Variants in LMNA observed in about 807,000 individuals in gnomAD.
LMNA encodes lamin A/C.
In LMNA, 20 loss-of-function variants were observed where a neutral mutation model predicts 70.4. That is an observed-to-expected ratio of 0.28 (90% CI 0.20 to 0.41). LMNA has a LOEUF of 0.41. Ranked by LOEUF, LMNA falls within the 10% of genes least tolerant of loss-of-function variation. The pLI is 1.00. For synonymous variants in LMNA, 339 were observed against 372.8 expected (o/e 0.91, Z 1.04); for missense variants, 652 against 917.2 (o/e 0.71, Z 3.73).
chr1:156,118,143 A>T (rs1234490600), intron 1 of LMNA, among the ~76,000 whole-genome samples: 4 of 151,964 alleles, frequency 2.6e-5, no homozygotes, highest in East Asian at 1.9e-4. Flanking sequence ...TCTTTTTTCT[A>T]CTAGTGATAT....
In LMNA at chr1:156,139,306, AAAAAAAAAAAAGC is replaced by A; in HGVS notation, c.*202_*214del. 1 of 1,235,538 alleles carries A rather than the reference AAAAAAAAAAAAGC, an allele frequency of 8.1e-7. No individual in the cohort carries two copies. Among genetic ancestry groups the A allele is most frequent in the Non-Finnish European group, 1.1e-6 (1 of 951,498 alleles). 76.5% of individuals were successfully genotyped at this position (1,235,538 alleles called of 1,614,324 possible). A position where few individuals can be genotyped will look rare whatever the true frequency, so the allele number is the denominator to read the frequency against. On this transcript the variant is annotated 3_prime_UTR_variant, in exon 12 of 12. Transcript: ENST00000368300. Reference sequence around the variant, plus strand: ...TATACTGAAGGAAAAACACAAGCAAAAAAAAAAAAAAGCATCTATCTCATCTATCTCAATCCTA... The same window carrying A: ...TATACTGAAGGAAAAACACAAGCAAAATCTATCTCATCTATCTCAATCCTA...
At position 156,137,438 on chromosome 1, in the gene LMNA, G is replaced by A. The variant is rs1651756039; in HGVS notation, c.1608+206G>A. The A allele has an allele frequency of 5.0e-6, 4 of 792,326 alleles. No homozygotes were observed. Among genetic ancestry groups the A allele is most frequent in the African/African-American group, 3.4e-5 (2 of 58,708 alleles). The allele number at this position is 792,326 out of a possible 1,614,324, so 49.1% of individuals were successfully genotyped here. A position where few individuals can be genotyped will look rare whatever the true frequency, so the allele number is the denominator to read the frequency against. On this transcript the variant is annotated intron_variant, in intron 9 of 11. Coordinates refer to ENST00000368300, the MANE Select transcript of LMNA (RefSeq NM_170707.4). The surrounding 1 kb of genome is among the most constrained non-coding windows in gnomAD (Gnocchi z 4.6). ...GGGTGGAAGTTAGACAGTGAGGATT[G>A]TTAAAGGCAGAGCCATACTCCTACC...
intron 1 of LMNA, chr1:156,082,904 T>G (rs537141673): frequency 6.6e-6 from 1 of 151,848 alleles, no homozygotes; most frequent in South Asian, 2.1e-4. Flanking sequence ...CTCTCCCCGC[T>G]CCCTGCCGCG....
At chr1:156,133,816 T>G (rs1372546394) in intron 2 of LMNA, among the ~76,000 whole-genome samples, 1 of 152,148 alleles carries the variant, frequency 6.6e-6, no homozygotes, top group African/African-American at 2.4e-5. Flanking sequence ...TTTCTGCCCT[T>G]GAAATCATGA....
chr1:156,135,698 C>T lies in LMNA; in HGVS notation c.937-203C>T, dbSNP rs1183807928. On this transcript the variant is annotated intron_variant, in intron 5 of 11. Coordinates refer to ENST00000368300, the MANE Select transcript of LMNA (RefSeq NM_170707.4). This position sits in a 1 kb window ranked among gnomAD's most constrained non-coding sequence, Gnocchi z 4.8. ...CTCAGAACGAGAGGTTTCAGTTAGA[C>T]AAGGGGAAGGACTTCCCAGTTGCCA... The T allele has an allele frequency of 1.5e-5, 9 of 609,254 alleles. No individual in the cohort carries two copies. The East Asian group carries it at 2.2e-4, about 15-fold the overall frequency. The allele number at this position is 609,254 out of a possible 1,614,324, so 37.7% of individuals were successfully genotyped here. A position where few individuals can be genotyped will look rare whatever the true frequency, so the allele number is the denominator to read the frequency against.
Position 156,134,341 on chromosome 1 carries a change from G to C in LMNA, c.514-62G>C. On this transcript the variant is annotated intron_variant, in intron 2 of 11. Transcript: ENST00000368300. This position sits in a 1 kb window ranked among gnomAD's most constrained non-coding sequence, Gnocchi z 5.3. ...TGCACAGGCAGCAGCCCACCTCTCAGCTTCCTTCCAGTTCTTGTGTTCTGT... is the reference window on the plus strand; with the variant it reads ...TGCACAGGCAGCAGCCCACCTCTCACCTTCCTTCCAGTTCTTGTGTTCTGT... 1 of 1,595,562 alleles carries C rather than the reference G, an allele frequency of 6.3e-7. No homozygotes were observed. The highest frequency in any genetic ancestry group is 8.6e-7 in the Non-Finnish European group (1 of 1,168,754).
intron 3 of LMNA, among the ~76,000 whole-genome samples, chr1:156,101,638 G>A: frequency 8.1e-6 from 1 of 123,914 alleles, no homozygotes; most frequent in South Asian, 3.3e-4. Context: ...AAGGAAGGAA[G>A]GGAGGGAGGG....
intron 1 of LMNA, among the ~76,000 whole-genome samples, chr1:156,128,091 C>T (rs1650749385): frequency 1.3e-5 from 2 of 152,122 alleles, no homozygotes; most frequent in Admixed American, 1.3e-4. Flanking sequence ...CTAGATATAG[C>T]TTTCTGTGCC....
Position 156,135,960 on chromosome 1 carries a change from C to T in LMNA, c.996C>T (p.Asp332=), listed in dbSNP as rs1471655848. 2 of 1,613,972 alleles carry T rather than the reference C, an allele frequency of 1.2e-6. No homozygotes were observed. Among genetic ancestry groups the T allele is most frequent in the East Asian group, 4.5e-5 (2 of 44,882 alleles). The part of the protein sequence containing the change: ...DLEDSLARER[D]TSRRLLAEKE... ...AGGACTCACTGGCCCGTGAGCGGGA[C>T]ACCAGCCGGCGGCTGCTGGCGGAAA... The change falls in exon 6 of 12, where the codon GAC becomes GAT. Residue 332 remains aspartate, a synonymous_variant. Coordinates refer to ENST00000368300, the MANE Select transcript of LMNA (RefSeq NM_170707.4). This position sits in a 1 kb window ranked among gnomAD's most constrained non-coding sequence, Gnocchi z 4.8.
At chr1:156,096,727 G>A (rs540141020) in intron 3 of LMNA, among the ~76,000 whole-genome samples, 103 of 152,378 alleles carry the variant, frequency 6.8e-4, no homozygotes, top group African/African-American at 2.3e-3. Flanking sequence ...CTGCCACTCA[G>A]GACTAGCCTG....
At position 156,134,695 on chromosome 1, in the gene LMNA, T is replaced by C; in HGVS notation, c.640-110T>C. ...CTCAGCTCCCAGGTTAAAGTGGGGC[T>C]GGTAGTGGCTCATGGAGTAGGGCTG... On this transcript the variant is annotated intron_variant, in intron 3 of 11. Transcript: ENST00000368300. The surrounding 1 kb of genome is among the most constrained non-coding windows in gnomAD (Gnocchi z 5.3). The C allele has an allele frequency of 6.4e-7, 1 of 1,551,744 alleles. No homozygotes were observed. Among genetic ancestry groups the C allele is most frequent in the Non-Finnish European group, 8.9e-7 (1 of 1,126,058 alleles).
At chr1:156,089,710 G>A (rs183863360) in intron 2 of LMNA, among the ~76,000 whole-genome samples, 5 of 152,304 alleles carry the variant, frequency 3.3e-5, no homozygotes, top group Admixed American at 2.0e-4. Context: ...ATCTCCAAGG[G>A]CTTTGCAGGC....
chr1:156,109,225 TTCA>T (rs768332106), intron 3 of LMNA, among the ~76,000 whole-genome samples: 21 of 152,234 alleles, frequency 1.4e-4, no homozygotes, highest in Non-Finnish European at 2.1e-4. Flanking sequence ...CCCTCCTGGC[TTCA>T]TCACTGGGCT....
chr1:156,120,114 A>C (rs1017508089), intron 1 of LMNA, among the ~76,000 whole-genome samples: 2 of 152,094 alleles, frequency 1.3e-5, no homozygotes, highest in African/African-American at 4.8e-5. Context: ...GTGCTTGACA[A>C]CTTCCTGGAT....
Position 156,137,687 on chromosome 1 carries a change from A to G in LMNA, c.1642A>G (p.Thr548Ala). The G allele has an allele frequency of 1.3e-6, 2 of 1,556,204 alleles. No individual in the cohort carries two copies. Among genetic ancestry groups the G allele is most frequent in the South Asian group, 2.4e-5 (2 of 84,288 alleles). Residue 548 changes from threonine to alanine, a missense_variant, in exon 10 of 12, where the codon ACT (threonine) becomes GCT (alanine). Around this residue, in one of 4 missense-constraint regions of LMNA, gnomAD observed 327 missense variants for 387.6 expected, o/e 0.84. Coordinates refer to ENST00000368300, the MANE Select transcript of LMNA (RefSeq NM_170707.4). The surrounding 1 kb of genome is among the most constrained non-coding windows in gnomAD (Gnocchi z 4.6). ...VAMRKLVRSV[T>A]VVEDDEDEDG... ...CATGCGCAAGCTGGTGCGCTCAGTG[A>G]CTGTGGTTGAGGACGACGAGGATGA...
Position 156,136,867 on chromosome 1 carries a change from C to T in LMNA, c.1381-54C>T. On this transcript the variant is annotated intron_variant, in intron 7 of 11. Coordinates refer to ENST00000368300, the MANE Select transcript of LMNA (RefSeq NM_170707.4). This position sits in a 1 kb window ranked among gnomAD's most constrained non-coding sequence, Gnocchi z 6.1. Reference sequence around the variant, plus strand: ...GGGCTGGGCCTTTGAGCAAGATACACCCAAGAGCCTGGGTGAGCCTCCCCG... The same window carrying T: ...GGGCTGGGCCTTTGAGCAAGATACATCCAAGAGCCTGGGTGAGCCTCCCCG... 1 of 1,487,890 alleles carries T rather than the reference C, an allele frequency of 6.7e-7. No homozygotes were observed. Among genetic ancestry groups the T allele is most frequent in the African/African-American group, 1.4e-5 (1 of 72,116 alleles). The allele number at this position is 1,487,890 out of a possible 1,614,324, so 92.2% of individuals were successfully genotyped here.
In LMNA at chr1:156,137,311, C is replaced by G; in HGVS notation, c.1608+79C>G. 1 of 1,526,040 alleles carries G rather than the reference C, an allele frequency of 6.6e-7. No homozygotes were observed. The highest frequency in any genetic ancestry group is 8.8e-7 in the Non-Finnish European group (1 of 1,138,598). 94.5% of individuals were successfully genotyped at this position (1,526,040 alleles called of 1,614,324 possible). A position where few individuals can be genotyped will look rare whatever the true frequency, so the allele number is the denominator to read the frequency against. On this transcript the variant is annotated intron_variant, in intron 9 of 11. Coordinates refer to ENST00000368300, the MANE Select transcript of LMNA (RefSeq NM_170707.4). This position sits in a 1 kb window ranked among gnomAD's most constrained non-coding sequence, Gnocchi z 4.6. ...ACATCGGAGCCAGCTGCCCCCAACCCAAGTTTGCCAATTCAGGGCCCCTTT... is the reference window on the plus strand; with the variant it reads ...ACATCGGAGCCAGCTGCCCCCAACCGAAGTTTGCCAATTCAGGGCCCCTTT...
rs1241116238 is a variant in LMNA at position 156,135,714 on chromosome 1, C to G, written c.937-187C>G. The G allele has an allele frequency of 1.6e-6, 1 of 618,176 alleles. No individual in the cohort carries two copies. The highest frequency in any genetic ancestry group is 2.8e-6 in the Non-Finnish European group (1 of 351,572). The allele number at this position is 618,176 out of a possible 1,614,324, so 38.3% of individuals were successfully genotyped here. ...TCAGTTAGACAAGGGGAAGGACTTC[C>G]CAGTTGCCAGCCAAGACTATGTTTA... is the stretch of plus-strand genomic sequence containing the variant. On this transcript the variant is annotated intron_variant, in intron 5 of 11. Coordinates refer to ENST00000368300, the MANE Select transcript of LMNA (RefSeq NM_170707.4). The surrounding 1 kb of genome is among the most constrained non-coding windows in gnomAD (Gnocchi z 4.8).
upstream of LMNA, chr1:156,109,599 C>T (rs569440269): frequency 6.6e-6 from 1 of 152,352 alleles, no homozygotes; most frequent in African/African-American, 2.4e-5. Flanking sequence ...GGTCCCAGTT[C>T]TGCACTGGGC....
Sources: allele counts gnomAD v4.1 joint callset (sites outside exome capture counted in the v4.1 genomes callset), GRCh38; gene constraint gnomAD v4.1.1; regional missense constraint gnomAD v4.1.1; non-coding constraint Gnocchi (gnomAD v3.1); transcripts MANE v1.5; gene names NCBI Gene and HGNC (gene_info 2026-07-23, HGNC 2026-07-21).